The following BBS1 variants were observed in gnomAD, a reference collection of about 807,000 sequenced individuals.
The protein encoded by BBS1 is Bardet-Biedl syndrome 1.
BBS1 carries 60 observed loss-of-function variants against 73.9 expected under a neutral mutation model. The ratio of observed to expected loss-of-function variants is 0.81; its 90% CI spans 0.66 to 1.01. The LOEUF is 1.01. Ranked by LOEUF, BBS1 falls within the 50% of genes least tolerant of loss-of-function variation. BBS1 has a pLI of 0.00. For synonymous variants in BBS1, 283 were observed against 317.4 expected, an observed-to-expected ratio of 0.89 and a Z score of 1.15; for missense variants, 718 against 770.3, an observed-to-expected ratio of 0.93 and a Z score of 0.80.
chr11:66,514,209 T>C (rs1172444933), intron 3 of BBS1, among the ~76,000 whole-genome samples, 197 bp from the exon 4 acceptor site: 1 of 152,252 alleles, frequency 6.6e-6, no homozygotes, highest in Non-Finnish European at 1.5e-5. Context: ...CATGAAAGTA[T>C]CACCATTCTG....
In BBS1 at chr11:66,532,125, G is replaced by C. The variant is rs1361871498; in HGVS notation, c.*88G>C. 3 of 1,374,740 alleles carry C rather than the reference G, an allele frequency of 2.2e-6. No homozygotes were observed. Among genetic ancestry groups the C allele is most frequent in the Non-Finnish European group, 2.0e-6 (2 of 1,003,260 alleles). The allele number at this position is 1,374,740 out of a possible 1,614,324, so 85.2% of individuals were successfully genotyped here. On this transcript the variant is annotated 3_prime_UTR_variant, in exon 17 of 17. Coordinates refer to ENST00000318312, the MANE Select transcript of BBS1 (RefSeq NM_024649.5). ...CCCCAGGCCCACTCCTCATGCAGCA[G>C]TGTGCTGGGGCGACAGCTCGTCTCC... is the stretch of plus-strand genomic sequence containing the variant.
intron 9 of BBS1, 192 bp downstream of exon 9, chr11:66,521,568 A>G (rs1282389752): frequency 1.6e-6 from 1 of 633,058 alleles, no homozygotes; most frequent in Non-Finnish European, 2.8e-6. Flanking sequence ...GGGCTGGCAC[A>G]GTGAGAGACT....
intron 13 of BBS1, 79 bp downstream of exon 13, chr11:66,526,886 C>A: frequency 1.2e-6 from 2 of 1,612,642 alleles, no homozygotes; most frequent in South Asian, 1.1e-5. Context: ...TGCTGCCCAG[C>A]CTCCCTGTGC....
Position 66,514,468 on chromosome 11 carries a change from ACT to A in BBS1, c.223_224del (p.Leu75GlyfsTer23), listed in dbSNP as rs1057516451. On this transcript the variant is annotated frameshift_variant, in exon 4 of 17. Coordinates refer to ENST00000318312, the MANE Select transcript of BBS1 (RefSeq NM_024649.5). LOFTEE classifies it high-confidence loss of function. ...QPRLKVLKGP[L>X]VMTESPLPAL... is the part of the protein sequence containing the mutation. ...CCCGCCTGAAGGTGCTCAAAGGACCACTGGTGATGACCGAAAGCCCGCTACCT... is the reference window on the plus strand; with the variant it reads ...CCCGCCTGAAGGTGCTCAAAGGACCAGGTGATGACCGAAAGCCCGCTACCT... 6.2e-7 allele frequency: 1 copy of A among 1,614,212 alleles called. No individual in the cohort carries two copies. Among genetic ancestry groups the A allele is most frequent in the Non-Finnish European group, 8.5e-7 (1 of 1,180,042 alleles).
Position 66,523,771 on chromosome 11 carries a change from G to A in BBS1, c.999G>A (p.Met333Ile), listed in dbSNP as rs1856357942. The A allele has an allele frequency of 6.2e-7, 1 of 1,613,120 alleles. No homozygotes were observed. The highest frequency in any genetic ancestry group is 8.5e-7 in the Non-Finnish European group (1 of 1,180,030). Residue 333 changes from methionine (M) to isoleucine (I), a missense_variant, in exon 11 of 17, where the codon ATG becomes ATA. Physicochemically the swap from Met to Ile is conservative, Grantham distance 10. Transcript: ENST00000318312. ...AGATGCCCGCAGCCATCCTGACCAT[G>A]AACCTCCTGGAGCAGCATTCCCGGG... Reference protein sequence around the residue: ...TVQMPAAILTMNLLEQHSRGL... With the variant: ...TVQMPAAILTINLLEQHSRGL...
chr11:66,526,493 T>C (rs1856499252), intron 12 of BBS1, among the ~76,000 whole-genome samples, 156 bp from the exon 13 acceptor site: 1 of 152,232 alleles, frequency 6.6e-6, no homozygotes, highest in Admixed American at 6.5e-5. Flanking sequence ...TGAGAGACTA[T>C]TAAGATGCAC....
chr11:66,531,130 G>A (rs1476310401), intron 15 of BBS1, 102 bp downstream of exon 15: 8 of 1,504,494 alleles, frequency 5.3e-6, no homozygotes, highest in African/African-American at 2.8e-5. Flanking sequence ...GAGCGTGCGG[G>A]TGGCTGCCAG....
At chr11:66,510,727 G>C in intron 1 of BBS1, 21 bp downstream of exon 1, 7 of 1,613,952 alleles carry the variant, frequency 4.3e-6, no homozygotes, top group Non-Finnish European at 5.9e-6. Context: ...GGCTCCTCAA[G>C]GCCTCTTTTC....
At chr11:66,515,633 A>T (rs191296122) in intron 5 of BBS1, 47 bp downstream of exon 5, 1 of 1,614,018 alleles carries the variant, frequency 6.2e-7, no homozygotes, top group South Asian at 1.1e-5. Context: ...CCTTCATCCC[A>T]TCTGAGCCCC....
At position 66,514,488 on chromosome 11, in the gene BBS1, C is replaced by G; in HGVS notation, c.242C>G (p.Pro81Arg). Residue 81 changes from proline to arginine, a missense_variant, in exon 4 of 17, where the codon CCG becomes CGG. Coordinates refer to ENST00000318312, the MANE Select transcript of BBS1 (RefSeq NM_024649.5). Reference sequence around the variant, plus strand: ...GGACCACTGGTGATGACCGAAAGCCCGCTACCTGCTCTGCCAGCTGCTGCT... The same window carrying G: ...GGACCACTGGTGATGACCGAAAGCCGGCTACCTGCTCTGCCAGCTGCTGCT... ...LKGPLVMTES[P>R]LPALPAAAAT... 1 of 1,614,162 alleles carries G rather than the reference C, an allele frequency of 6.2e-7. No individual in the cohort carries two copies. The highest frequency in any genetic ancestry group is 8.5e-7 in the Non-Finnish European group (1 of 1,180,034).
At chr11:66,525,692 G>A (rs903214183) in intron 11 of BBS1, among the ~76,000 whole-genome samples, 4 of 152,238 alleles carry the variant, frequency 2.6e-5, no homozygotes, top group Admixed American at 2.6e-4. Flanking sequence ...CTCGTTGAAA[G>A]AAGGGTAAAG....
chr11:66,529,231 C>T (rs1856655738), intron 13 of BBS1: 2 of 1,499,306 alleles, frequency 1.3e-6, no homozygotes, highest in African/African-American at 1.4e-5. Context: ...GGGGAAGAGT[C>T]ATGTGATCCT....
chr11:66,525,044 CA>C (rs1184545288), intron 11 of BBS1, among the ~76,000 whole-genome samples: 1 of 151,932 alleles, frequency 6.6e-6, no homozygotes, highest in Non-Finnish European at 1.5e-5. Flanking sequence ...ACTAAAAATA[CA>C]AAAAATTAGC....
At position 66,532,289 on chromosome 11, in the gene BBS1, TC is replaced by T; in HGVS notation, c.*256del. The T allele has an allele frequency of 1.8e-6, 1 of 547,372 alleles. No homozygotes were observed. The highest frequency in any genetic ancestry group is 3.3e-6 in the Non-Finnish European group (1 of 303,544). The allele number at this position is 547,372 out of a possible 1,614,324, so 33.9% of individuals were successfully genotyped here. A position where few individuals can be genotyped will look rare whatever the true frequency, so the allele number is the denominator to read the frequency against. The stretch of plus-strand genomic sequence containing the variant: ...ACTGAAGTCCTACTACGCCCTCCCC[TC>T]CCCAGCCTTTTCCAGAAACCATACT... On this transcript the variant is annotated 3_prime_UTR_variant, in exon 17 of 17. Transcript: ENST00000318312.
chr11:66,514,578 G>A lies in BBS1; in HGVS notation c.332G>A (p.Cys111Tyr), dbSNP rs765960634. ...GCTCTGGCACTTGCTTCAGGCCCTT[G>A]TGTCTATGTGTATAAGAATCTCAGA... ...TPALALASGPCVYVYKNLRPY... is the reference protein window; with the variant it reads ...TPALALASGPYVYVYKNLRPY... The change falls in exon 4 of 17, where the codon TGT becomes TAT. Residue 111 changes from cysteine to tyrosine, a missense_variant. Transcript: ENST00000318312. The A allele has an allele frequency of 2.4e-5, 39 of 1,613,980 alleles. No individual in the cohort carries two copies. The highest frequency in any genetic ancestry group is 3.1e-5 in the Non-Finnish European group (36 of 1,180,058).
At chr11:66,526,011 G>T in intron 11 of BBS1, 112 bp from the exon 12 acceptor site, 2 of 894,252 alleles carry the variant, frequency 2.2e-6, no homozygotes, top group African/African-American at 1.6e-5. Flanking sequence ...GATTCCCCAG[G>T]CCTGTCTCTA....
chr11:66,531,660 C>T lies in BBS1; in HGVS notation c.1613C>T (p.Pro538Leu), dbSNP rs1029655925. The T allele has an allele frequency of 1.9e-6, 3 of 1,613,954 alleles. No individual in the cohort carries two copies. In the South Asian group the frequency reaches 3.3e-5, roughly 18 times the overall value. The change falls in exon 16 of 17, where the codon CCC becomes CTC. Residue 538 changes from proline to leucine, a missense_variant. Physicochemically the swap from Pro to Leu is moderately conservative, Grantham distance 98. Coordinates refer to ENST00000318312, the MANE Select transcript of BBS1 (RefSeq NM_024649.5). ...YSLPRAFFKV[P>L]LLVPGLNYPL... The stretch of plus-strand genomic sequence containing the variant: ...CTTCTTTGTCCCCAAACTTAGGTAC[C>T]CTTGCTGGTGCCAGGGCTCAACTAC...
At position 66,532,172 on chromosome 11, in the gene BBS1, C is replaced by T; in HGVS notation, c.*135C>T. The stretch of plus-strand genomic sequence containing the variant: ...CTCCCCTCTCTTAAGCACCCGCTTC[C>T]TCACCACCCCCACTGTTGGGCCTAT... On this transcript the variant is annotated 3_prime_UTR_variant, in exon 17 of 17. Transcript: ENST00000318312. 1.1e-6 allele frequency: 1 copy of T among 918,258 alleles called. No homozygotes were observed. Among genetic ancestry groups the T allele is most frequent in the Non-Finnish European group, 1.6e-6 (1 of 610,814 alleles). The allele number at this position is 918,258 out of a possible 1,614,324, so 56.9% of individuals were successfully genotyped here. A position where few individuals can be genotyped will look rare whatever the true frequency, so the allele number is the denominator to read the frequency against.
At chr11:66,527,008 T>A in intron 13 of BBS1, 1 of 1,537,390 alleles carries the variant, frequency 6.5e-7, no homozygotes, top group South Asian at 1.2e-5. Context: ...TGGAAGGTGC[T>A]GTGGGTGACA....
Sources: gnomAD v4.1 joint callset for allele counts (sites outside exome capture counted in the v4.1 genomes callset) on GRCh38, gnomAD v4.1.1 for gene constraint, MANE v1.5 for transcripts, NCBI Gene and HGNC (gene_info 2026-07-23, HGNC 2026-07-21) for gene names.